Variants in LCLAT1 observed in about 807,000 individuals in gnomAD.
LCLAT1 encodes the protein lysocardiolipin acyltransferase 1.
LCLAT1 carries 11 observed loss-of-function variants against 30.7 expected under a neutral mutation model. The observed-to-expected ratio is 0.36, with a 90% CI of 0.23 to 0.59. The LOEUF is 0.59. Ranked by LOEUF, LCLAT1 falls within the 20% of genes least tolerant of loss-of-function variation. LCLAT1 has a pLI of 0.77. For synonymous variants in LCLAT1, 155 were observed against 151.3 expected, an observed-to-expected ratio of 1.02 and a Z score of -0.18; for missense variants, 402 against 458.6, an observed-to-expected ratio of 0.88 and a Z score of 1.13.
At chr2:30,568,390 C>T (rs1458724827) in intron 5 of LCLAT1, among the ~76,000 whole-genome samples, 1 of 151,166 alleles carries the variant, frequency 6.6e-6, no homozygotes, top group East Asian at 1.9e-4. Flanking sequence ...ATTCTTTCCC[C>T]TTTTTTGGAA....
At chr2:30,639,046 T>G (rs999619076) in intron 5 of LCLAT1, among the ~76,000 whole-genome samples, 1 of 152,224 alleles carries the variant, frequency 6.6e-6, no homozygotes, top group Non-Finnish European at 1.5e-5. Context: ...GGGTTCCTTC[T>G]GTCTGAAATC....
intron 1 of LCLAT1, among the ~76,000 whole-genome samples, chr2:30,474,949 G>C (rs1344433004): frequency 6.6e-6 from 1 of 151,786 alleles, no homozygotes; most frequent in African/African-American, 2.4e-5. Context: ...ACCACACCTG[G>C]CCTTAAATTT....
At chr2:30,523,911 G>A (rs1447799743) in intron 1 of LCLAT1, among the ~76,000 whole-genome samples, 1 of 152,142 alleles carries the variant, frequency 6.6e-6, no homozygotes, top group Non-Finnish European at 1.5e-5. Context: ...TCTTGATTGT[G>A]TGTTTTAAGG....
At chr2:30,508,205 A>G (rs1349706006) in intron 1 of LCLAT1, among the ~76,000 whole-genome samples, 2 of 152,038 alleles carry the variant, frequency 1.3e-5, no homozygotes, top group Non-Finnish European at 2.9e-5. Flanking sequence ...GCATAGTTTG[A>G]AAAAATTTTT....
intron 1 of LCLAT1, among the ~76,000 whole-genome samples, chr2:30,474,048 C>G (rs191069780): frequency 6.6e-5 from 10 of 152,214 alleles, no homozygotes; most frequent in African/African-American, 2.4e-4. Context: ...ACTTATGCAG[C>G]TATGAAAATA....
At position 30,533,101 on chromosome 2, in the gene LCLAT1, G is replaced by A; in HGVS notation, c.166-15G>A. 5 of 1,575,562 alleles carry A rather than the reference G, an allele frequency of 3.2e-6. No individual in the cohort carries two copies. Among genetic ancestry groups the A allele is most frequent in the Non-Finnish European group, 4.4e-6 (5 of 1,144,942 alleles). ...CATAACTTTAATTTGCTGTATATCT[G>A]TATTGTTTTCTTAGGCATTATTGGA... On this transcript the variant is annotated splice_polypyrimidine_tract_variant and intron_variant, in intron 2 of 5. Transcript: ENST00000379509.
chr2:30,617,283 T>C (rs1291341735), intron 5 of LCLAT1, among the ~76,000 whole-genome samples: 2 of 152,210 alleles, frequency 1.3e-5, no homozygotes, highest in Non-Finnish European at 2.9e-5. Flanking sequence ...AATGGAATTA[T>C]ATAGTATGTG....
chr2:30,541,929 G>C (rs1664159354), intron 3 of LCLAT1, among the ~76,000 whole-genome samples: 2 of 152,090 alleles, frequency 1.3e-5, no homozygotes, highest in Non-Finnish European at 2.9e-5. Context: ...GCTTTGTTGT[G>C]GCAACTTACT....
At chr2:30,461,869 C>T (rs1682155618) in intron 1 of LCLAT1, among the ~76,000 whole-genome samples, 1 of 148,638 alleles carries the variant, frequency 6.7e-6, no homozygotes, top group Non-Finnish European at 1.5e-5. Flanking sequence ...CTCCCGGGTT[C>T]ACGCCATTCT....
chr2:30,603,261 C>T (rs558847482), intron 5 of LCLAT1, among the ~76,000 whole-genome samples: 62 of 151,856 alleles, frequency 4.1e-4, no homozygotes, highest in African/African-American at 1.5e-3. Context: ...AGAAATTATT[C>T]AATGAATAAT....
Position 30,456,127 on chromosome 2 carries a change from A to G in LCLAT1, c.-5+8744A>G, listed in dbSNP as rs189698306. ...CATTTAATTTTGGGTGAGTTGTGGT[A>G]GTTTGTGCTTTTGAGGAACTGATCC... is the stretch of plus-strand genomic sequence containing the variant. On this transcript the variant is annotated intron_variant, in intron 1 of 5. Transcript: ENST00000379509. Among the ~76,000 whole-genome samples the G allele has an allele frequency of 2.6e-5, 4 of 152,190 alleles. No homozygotes were observed. In the East Asian group the frequency reaches 7.7e-4, roughly 29 times the overall value.
chr2:30,478,479 G>C (rs1265272014), intron 1 of LCLAT1, among the ~76,000 whole-genome samples: 2 of 152,158 alleles, frequency 1.3e-5, no homozygotes, highest in Non-Finnish European at 1.5e-5. Flanking sequence ...TTTGACTGTA[G>C]ATGAGGTAAA....
At chr2:30,534,530 G>C (rs151106579) in intron 3 of LCLAT1, among the ~76,000 whole-genome samples, 52 of 152,222 alleles carry the variant, frequency 3.4e-4, no homozygotes, top group African/African-American at 1.1e-3. Flanking sequence ...CGCCTGCGTT[G>C]GCCTCCCAAA....
intron 1 of LCLAT1, among the ~76,000 whole-genome samples, chr2:30,477,328 G>T (rs572888148): frequency 6.6e-6 from 1 of 152,162 alleles, no homozygotes; most frequent in African/African-American, 2.4e-5. Context: ...GTACCTGTTT[G>T]TGGTGTATTC....
intron 1 of LCLAT1, among the ~76,000 whole-genome samples, chr2:30,511,195 G>C (rs1278874134): frequency 3.9e-5 from 6 of 152,082 alleles, no homozygotes; most frequent in Non-Finnish European, 8.8e-5. Context: ...GATTTATGTG[G>C]GCTGTTTATT....
chr2:30,468,024 T>A (rs1248803262), intron 1 of LCLAT1, among the ~76,000 whole-genome samples: 1 of 152,222 alleles, frequency 6.6e-6, no homozygotes, highest in African/African-American at 2.4e-5. Flanking sequence ...CATGCCTATG[T>A]CCTGAATGGT....
intron 4 of LCLAT1, among the ~76,000 whole-genome samples, chr2:30,566,688 G>A (rs78486039): frequency 6.6e-6 from 1 of 152,210 alleles, no homozygotes; most frequent in East Asian, 1.9e-4. Flanking sequence ...GAGGATTGCG[G>A]GTTCTAACAT....
rs570553007 is a variant in LCLAT1, at chr2:30,496,803, C to T, written c.-4-28784C>T. On this transcript the variant is annotated intron_variant, in intron 1 of 5. Transcript: ENST00000379509. ...ACAAGCACGTACCTGCCCAGGGATG[C>T]GGGATACCATATACACTGTGCTTTC... is the stretch of plus-strand genomic sequence containing the variant. Among the ~76,000 whole-genome samples, 8 of 152,232 alleles carry T rather than the reference C, an allele frequency of 5.3e-5. No individual in the cohort carries two copies. In the East Asian group the frequency reaches 9.7e-4, roughly 18 times the overall value.
intron 1 of LCLAT1, among the ~76,000 whole-genome samples, chr2:30,514,315 T>C (rs1246723785): frequency 6.6e-6 from 1 of 152,216 alleles, no homozygotes; most frequent in African/African-American, 2.4e-5. Context: ...AGCATATCAC[T>C]TCCCCCAAGA....
Sources: gnomAD v4.1 joint callset for allele counts (sites outside exome capture counted in the v4.1 genomes callset) on GRCh38, gnomAD v4.1.1 for gene constraint, MANE v1.5 for transcripts, NCBI Gene and HGNC (gene_info 2026-07-23, HGNC 2026-07-21) for gene names.